The following MBD5 variants were observed in gnomAD, a reference collection of about 807,000 sequenced individuals.
MBD5 encodes methyl-CpG binding domain protein 5.
MBD5 carries 13 observed loss-of-function variants against 117.3 expected under a neutral mutation model. The ratio of observed to expected loss-of-function variants is 0.11; its 90% confidence interval spans 0.07 to 0.18. The LOEUF (loss-of-function observed/expected upper bound fraction) is 0.18, where lower values mean the gene tolerates loss of function less well. MBD5 is among the 10% of genes least tolerant of loss of function. The probability of loss-of-function intolerance (pLI) is 1.00; values close to 1 mark genes in which losing one functional copy is unlikely to be tolerated. For missense variants in MBD5, 1,879 were observed against 2,093.8 expected (o/e 0.90, Z 2.00); for synonymous variants, 727 against 766.4 (o/e 0.95, Z 0.85).
chr2:148,425,426 G>A (rs1705746874), intron 4 of MBD5, among the ~76,000 whole-genome samples: 1 of 152,154 alleles, frequency 6.6e-6, no homozygotes, highest in Non-Finnish European at 1.5e-5. Flanking sequence ...TCCAGGACTA[G>A]ACAGGTTCAC....
intron 1 of MBD5, among the ~76,000 whole-genome samples, chr2:148,030,002 T>C (rs1693995640): frequency 1.3e-5 from 2 of 152,148 alleles, no homozygotes; most frequent in Non-Finnish European, 2.9e-5. Context: ...CCAGGTGCGG[T>C]GGCTCATGCC....
chr2:148,462,358 T>G (rs1707115417), intron 5 of MBD5, among the ~76,000 whole-genome samples: 1 of 152,206 alleles, frequency 6.6e-6, no homozygotes, highest in South Asian at 2.1e-4. Flanking sequence ...TATTTAATTT[T>G]CTATGAAGAT....
chr2:148,181,927 C>G (rs1219803028), intron 2 of MBD5, among the ~76,000 whole-genome samples: 1 of 151,858 alleles, frequency 6.6e-6, no homozygotes. Flanking sequence ...ATTGCTAAAC[C>G]CTCTTATTCT....
chr2:148,381,538 G>A (rs979099335), intron 4 of MBD5, among the ~76,000 whole-genome samples: 2 of 152,138 alleles, frequency 1.3e-5, no homozygotes, highest in Non-Finnish European at 2.9e-5. Context: ...CACTCTGCAG[G>A]ATATTATCCA....
At chr2:148,320,024 G>A (rs1702247181) in intron 3 of MBD5, among the ~76,000 whole-genome samples, 3 of 152,106 alleles carry the variant, frequency 2.0e-5, no homozygotes, top group African/African-American at 7.2e-5. Flanking sequence ...TATGATTCTT[G>A]TTCTTAGTTC....
At chr2:148,243,703 A>G (rs1700270566) in intron 3 of MBD5, 2 of 152,072 alleles carry the variant, frequency 1.3e-5, no homozygotes, top group African/African-American at 4.8e-5. Flanking sequence ...GTATATTTTT[A>G]TATTTAGCAG....
At chr2:148,437,791 TG>T (rs1706198305) in intron 4 of MBD5, among the ~76,000 whole-genome samples, 1 of 152,158 alleles carries the variant, frequency 6.6e-6, no homozygotes, top group Non-Finnish European at 1.5e-5. Flanking sequence ...CATATTACTA[TG>T]GTTGGTAATT....
At chr2:148,163,495 C>T (rs955685322) in intron 1 of MBD5, among the ~76,000 whole-genome samples, 28 of 151,938 alleles carry the variant, frequency 1.8e-4, no homozygotes, top group Non-Finnish European at 5.9e-5. Context: ...GATCTTGGCT[C>T]ACTGCAACCT....
intron 4 of MBD5, among the ~76,000 whole-genome samples, chr2:148,413,876 T>A (rs984764799): frequency 6.6e-6 from 1 of 150,848 alleles, no homozygotes; most frequent in Non-Finnish European, 1.5e-5. Flanking sequence ...TTTATTAGTC[T>A]AGCTAGCAGT....
intron 1 of MBD5, among the ~76,000 whole-genome samples, chr2:148,074,555 C>T (rs547483552): frequency 2.2e-5 from 3 of 136,630 alleles, no homozygotes; most frequent in Admixed American, 8.2e-5. Context: ...GGCTGGAGTG[C>T]AGTGTCGCCA....
intron 4 of MBD5, among the ~76,000 whole-genome samples, chr2:148,369,299 GT>G (rs890401855): frequency 1.3e-5 from 2 of 151,736 alleles, no homozygotes; most frequent in South Asian, 4.2e-4. Flanking sequence ...TTGGCCTAGG[GT>G]TTTTTTTCAA....
intron 1 of MBD5, among the ~76,000 whole-genome samples, chr2:148,139,864 A>G (rs559542789): frequency 6.6e-6 from 1 of 152,298 alleles, no homozygotes; most frequent in Non-Finnish European, 1.5e-5. Flanking sequence ...TCAGCCTTTA[A>G]GGTCAAGCTG....
chr2:148,398,058 G>A (rs1404219045), intron 4 of MBD5, among the ~76,000 whole-genome samples: 1 of 152,100 alleles, frequency 6.6e-6, no homozygotes, highest in African/African-American at 2.4e-5. Flanking sequence ...TATCATTGTT[G>A]GACATTTGGA....
At chr2:148,509,363 TG>T (rs146400499) in intron 12 of MBD5, among the ~76,000 whole-genome samples, 2,259 of 152,236 alleles carry the variant, frequency 0.015, 46 homozygotes, top group African/African-American at 0.053. Flanking sequence ...AGATGCACCG[TG>T]TGTGTTATTC....
chr2:148,343,641 A>G (rs1703008880), intron 4 of MBD5, among the ~76,000 whole-genome samples: 1 of 151,860 alleles, frequency 6.6e-6, no homozygotes, highest in Admixed American at 6.6e-5. Flanking sequence ...TTGCTTGTTC[A>G]ATTGTTTAAG....
chr2:148,114,809 T>C (rs2105368224), intron 1 of MBD5, among the ~76,000 whole-genome samples: 1 of 152,302 alleles, frequency 6.6e-6, no homozygotes, highest in African/African-American at 2.4e-5. Flanking sequence ...ATAGGTTTGA[T>C]TAATGTAGTT....
rs1321969974 is a variant in MBD5, at chr2:148,178,712, G to A, written c.-912G>A. The A allele has an allele frequency of 2.5e-6, 1 of 398,192 alleles. No individual in the cohort carries two copies. The highest frequency in any genetic ancestry group is 3.6e-5 in the East Asian group (1 of 27,912). The allele number at this position is 398,192 out of a possible 1,614,324, so 24.7% of individuals were successfully genotyped here. ...GCTTCTCTTTTAGATGTACATTGAA[G>A]ATGTCAGTTTCTACATGTGGGAAGT... On this transcript the variant is annotated 5_prime_UTR_variant, in exon 2 of 14. Transcript: ENST00000642680.
intron 1 of MBD5, among the ~76,000 whole-genome samples, chr2:148,094,220 A>G (rs923925602): frequency 6.6e-6 from 1 of 152,172 alleles, no homozygotes; most frequent in Non-Finnish European, 1.5e-5. Flanking sequence ...TACAGTTCCA[A>G]CAGATTAATT....
At chr2:148,070,104 C>G (rs1410465181) in intron 1 of MBD5, among the ~76,000 whole-genome samples, 1 of 152,160 alleles carries the variant, frequency 6.6e-6, no homozygotes, top group Non-Finnish European at 1.5e-5. Flanking sequence ...ATTCCCCCAC[C>G]ACAAACAGCC....
Sources: allele counts gnomAD v4.1 joint callset (sites outside exome capture counted in the v4.1 genomes callset), GRCh38; gene constraint gnomAD v4.1.1; transcripts MANE v1.5; gene names NCBI Gene and HGNC (gene_info 2026-07-23, HGNC 2026-07-21).